Variants in HYDIN observed in about 807,000 individuals in gnomAD.
HYDIN encodes HYDIN axonemal central pair apparatus protein.
In HYDIN, 132 loss-of-function variants were observed where a neutral mutation model predicts 403.9. That is an observed-to-expected ratio of 0.33 (90% CI 0.28 to 0.38). HYDIN has a LOEUF of 0.38. HYDIN is among the 10% of genes least tolerant of loss of function. HYDIN has a pLI of 1.00. For synonymous variants in HYDIN, 1,202 were observed against 1,891.7 expected, an observed-to-expected ratio of 0.64 and a Z score of 9.46; for missense variants, 2,827 against 5,009.5, an observed-to-expected ratio of 0.56 and a Z score of 13.15.
intron 50 of HYDIN, among the ~76,000 whole-genome samples, chr16:70,905,210 C>T (rs376371742): frequency 0.018 from 2,681 of 151,994 alleles, 77 homozygotes; most frequent in African/African-American, 0.061. Flanking sequence ...AAAGGGGTGC[C>T]GCCTTCTCAC....
chr16:71,066,656 T>A (rs560368355), intron 15 of HYDIN: 11 of 322,884 alleles, frequency 3.4e-5, no homozygotes, highest in Admixed American at 1.6e-4. Context: ...ACCACCCTCA[T>A]CAGCAGTACT....
intron 1 of HYDIN, among the ~76,000 whole-genome samples, chr16:71,188,775 T>G (rs1019694436): frequency 6.6e-6 from 1 of 152,318 alleles, no homozygotes; most frequent in African/African-American, 2.4e-5. Flanking sequence ...TTTAGGAATA[T>G]GTATCAAACA....
At chr16:70,953,498 T>C (rs2078135512) in intron 40 of HYDIN, among the ~76,000 whole-genome samples, 1 of 152,090 alleles carries the variant, frequency 6.6e-6, no homozygotes. Context: ...CTGGGGCCCT[T>C]TCCTTGACTT....
chr16:70,920,712 T>C lies in HYDIN; in HGVS notation c.7664A>G (p.Asp2555Gly), dbSNP rs766299943. The change falls in exon 46 of 86, where the codon GAC (aspartate) becomes GGC (glycine). Residue 2555 changes from aspartate (D) to glycine (G), a missense_variant. Asp to Gly is a moderately conservative substitution (Grantham distance 94). Coordinates refer to ENST00000393567, the MANE Select transcript of HYDIN (RefSeq NM_001270974.2). ...RSDWEGEGEE[D>G]HEGKKEKDLG... Reference sequence around the variant, plus strand: ...GTCCTTCTCCTTCTTCCCTTCGTGGTCCTCCTCCCCTTCCCCCTCCCAGTC... The same window carrying C: ...GTCCTTCTCCTTCTTCCCTTCGTGGCCCTCCTCCCCTTCCCCCTCCCAGTC... 1.1e-5 allele frequency: 18 copies of C among 1,599,318 alleles called. No individual in the cohort carries two copies. The East Asian group carries it at 3.8e-4, about 34-fold the overall frequency.
intron 18 of HYDIN, among the ~76,000 whole-genome samples, chr16:71,053,415 C>T (rs1444192076): frequency 6.6e-6 from 1 of 152,060 alleles, no homozygotes; most frequent in Admixed American, 6.6e-5. Flanking sequence ...TATAATAACC[C>T]AATTGTCAAC....
intron 85 of HYDIN, 97 bp downstream of exon 85, chr16:70,809,686 T>C (rs2035336074): frequency 1.0e-6 from 1 of 972,156 alleles, no homozygotes; most frequent in Non-Finnish European, 1.6e-6. Context: ...TGAGTCTCTC[T>C]GAGTCTCACA....
At position 71,181,656 on chromosome 16, in the gene HYDIN, A is replaced by T. The variant is rs191512913; in HGVS notation, c.262-2609T>A. The stretch of plus-strand genomic sequence containing the variant: ...GCTCAAAGAGCATAATGGAAAAAAA[A>T]GTCAAAGAGCACAAAGCAAATATTT... On this transcript the variant is annotated intron_variant, in intron 3 of 85. Coordinates refer to ENST00000393567, the MANE Select transcript of HYDIN (RefSeq NM_001270974.2). 4.4e-4 allele frequency among the ~76,000 whole-genome samples: 67 copies of T among 152,294 alleles called. No homozygotes were observed. In the East Asian group the frequency reaches 9.4e-3, roughly 21 times the overall value.
intron 5 of HYDIN, among the ~76,000 whole-genome samples, chr16:71,167,073 TAATA>T (rs1266295429): frequency 3.4e-5 from 5 of 147,168 alleles, no homozygotes; most frequent in East Asian, 2.1e-4. Flanking sequence ...TCAAAAAAAT[TAATA>T]AATAAATAAA....
intron 1 of HYDIN, among the ~76,000 whole-genome samples, chr16:71,221,521 T>TTTGACC (rs1224018725): frequency 8.6e-5 from 13 of 152,024 alleles, no homozygotes; most frequent in Non-Finnish European, 1.9e-4. Flanking sequence ...CCAAGGACAA[T>TTTGACC]AAGCAGCTCT....
rs1051611186 is a variant in HYDIN, at chr16:71,017,135, T to G, written c.3644+994A>C. Among the ~76,000 whole-genome samples, 409 of 150,752 alleles carry G rather than the reference T, an allele frequency of 2.7e-3. 2 individuals carry two copies. The highest frequency in any genetic ancestry group is 9.3e-3 in the African/African-American group (381 of 41,052). ...CGGGCGGATTACCTGAGGTCAAGAG[T>G]TCGAGACCAGCCTGGCCAACATGGT... On this transcript the variant is annotated intron_variant, in intron 23 of 85. Transcript: ENST00000393567.
At chr16:70,945,103 G>A (rs1262945482) in intron 41 of HYDIN, among the ~76,000 whole-genome samples, 4 of 152,236 alleles carry the variant, frequency 2.6e-5, no homozygotes, top group Non-Finnish European at 5.9e-5. Flanking sequence ...GGTGACATGA[G>A]TGGAAACAGG....
chr16:71,084,436 C>T (rs375853342), intron 12 of HYDIN, among the ~76,000 whole-genome samples: 50 of 147,754 alleles, frequency 3.4e-4, no homozygotes, highest in African/African-American at 1.3e-3. Context: ...ACCCAGGCTG[C>T]AGTGCAGTGG....
chr16:70,940,879 T>TC (rs2077650324), intron 43 of HYDIN, among the ~76,000 whole-genome samples: 1 of 152,240 alleles, frequency 6.6e-6, no homozygotes, highest in African/African-American at 2.4e-5. Flanking sequence ...GAGCCGAAGC[T>TC]CCTGGGAGGT....
rs2035078196 is a variant in HYDIN at position 70,805,716 on chromosome 16, T to C, written c.*1864A>G. Among the ~76,000 whole-genome samples, 1 of 152,226 alleles carries C rather than the reference T, an allele frequency of 6.6e-6. No homozygotes were observed. Among genetic ancestry groups the C allele is most frequent in the African/African-American group, 2.4e-5 (1 of 41,466 alleles). Reference sequence around the variant, plus strand: ...GAGCGATCTTTGCTCACTTAACCATTGTGAAAATCTGTCATCTGGTTGTCT... The same window carrying C: ...GAGCGATCTTTGCTCACTTAACCATCGTGAAAATCTGTCATCTGGTTGTCT... On this transcript the variant is annotated 3_prime_UTR_variant, in exon 86 of 86. Coordinates refer to ENST00000393567, the MANE Select transcript of HYDIN (RefSeq NM_001270974.2).
intron 4 of HYDIN, among the ~76,000 whole-genome samples, 157 bp downstream of exon 4, chr16:71,178,771 T>C (rs886390312): frequency 6.6e-6 from 1 of 152,162 alleles, no homozygotes; most frequent in African/African-American, 2.4e-5. Flanking sequence ...CACAGCCTTG[T>C]CGTCATTAAG....
rs1004857494 is a variant in HYDIN at position 71,181,466 on chromosome 16, G to A, written c.262-2419C>T. Among the ~76,000 whole-genome samples the A allele has an allele frequency of 3.3e-5, 5 of 152,054 alleles. No homozygotes were observed. The East Asian group carries it at 9.6e-4, about 29-fold the overall frequency. On this transcript the variant is annotated intron_variant, in intron 3 of 85. Coordinates refer to ENST00000393567, the MANE Select transcript of HYDIN (RefSeq NM_001270974.2). ...CCCCAAACCAATTATTAAATATATG[G>A]TCACTTGATTTATGACAAAGGTAAC...
At position 71,129,682 on chromosome 16, in the gene HYDIN, G is replaced by C; in HGVS notation, c.1185C>G (p.Asp395Glu). ...FANQRRLVQG[D>E]SKLFFNNVFT... ...AAACGTTATTGAAGAACAGCTTGCTGTCTCCCTGCACCAGCCTCCTCTGAT... is the reference window on the plus strand; with the variant it reads ...AAACGTTATTGAAGAACAGCTTGCTCTCTCCCTGCACCAGCCTCCTCTGAT... The change falls in exon 9 of 86, where the codon GAC (aspartate) becomes GAG (glutamate). Residue 395 changes from aspartate (D) to glutamate (E), a missense_variant. Asp to Glu is a conservative substitution (Grantham distance 45, BLOSUM62 2). Transcript: ENST00000393567. 1.2e-6 allele frequency: 2 copies of C among 1,614,164 alleles called. No homozygotes were observed. The highest frequency in any genetic ancestry group is 1.7e-6 in the Non-Finnish European group (2 of 1,180,020).
intron 4 of HYDIN, among the ~76,000 whole-genome samples, chr16:71,177,608 T>C (rs918969495): frequency 1.3e-5 from 2 of 152,236 alleles, no homozygotes; most frequent in African/African-American, 4.8e-5. Context: ...CAAATATAAC[T>C]GCAAGTCCAT....
Position 71,098,199 on chromosome 16 carries a change from C to CTTT in HYDIN, c.1328-4267_1328-4265dup, listed in dbSNP as rs1293436490. Among the ~76,000 whole-genome samples, 19 of 133,070 alleles carry CTTT rather than the reference C, an allele frequency of 1.4e-4. 2 individuals carry two copies. The highest frequency in any genetic ancestry group is 2.5e-4 in the African/African-American group (9 of 35,420). 87.3% of individuals were successfully genotyped at this position (133,070 alleles called of 152,430 possible). A position where few individuals can be genotyped will look rare whatever the true frequency, so the allele number is the denominator to read the frequency against. On this transcript the variant is annotated intron_variant, in intron 10 of 85. Coordinates refer to ENST00000393567, the MANE Select transcript of HYDIN (RefSeq NM_001270974.2). The stretch of plus-strand genomic sequence containing the variant: ...TACTCTAAACTATAGATAAAACTTT[C>CTTT]TTTCTTTTTTTTTTTTTTTTGAGAT...
Sources: gnomAD v4.1 joint callset for allele counts (sites outside exome capture counted in the v4.1 genomes callset) on GRCh38, gnomAD v4.1.1 for gene constraint, MANE v1.5 for transcripts, NCBI Gene and HGNC (gene_info 2026-07-23, HGNC 2026-07-21) for gene names.